MORC1: variants seen among roughly 807,000 people sequenced by gnomAD.
The protein encoded by MORC1 is MORC family CW-type zinc finger 1.
A neutral mutation model predicts 134.9 loss-of-function variants in MORC1; 59 were observed. The ratio of observed to expected loss-of-function variants is 0.44; its 90% CI spans 0.35 to 0.54. The LOEUF (loss-of-function observed/expected upper bound fraction) is 0.54, where lower values mean the gene tolerates loss of function less well. MORC1 is among the 20% of genes least tolerant of loss of function. MORC1 has a pLI of 0.00. For missense variants in MORC1, 947 were observed against 1,134.5 expected (o/e 0.83, Z 2.37); for synonymous variants, 395 against 391.7 (o/e 1.01, Z -0.10).
rs1289411403 is a variant in MORC1, at chr3:109,093,450, A to G, written c.675T>C (p.Ala225=). 1.2e-6 allele frequency: 2 copies of G among 1,612,548 alleles called. No homozygotes were observed. The highest frequency in any genetic ancestry group is 1.7e-6 in the Non-Finnish European group (2 of 1,178,596). ...VKTDKEDILM[A]GALEDFPARW... is the part of the protein sequence containing the mutation. ...CACACACATACTCCTCCAGAGCTCC[A>G]GCCATCAGTATATCTTCTTTGTCAG... is the stretch of plus-strand genomic sequence containing the variant. The change falls in exon 8 of 28, where the codon GCT becomes GCC. Residue 225 remains alanine (A), a synonymous_variant. Transcript: ENST00000232603.
rs1949923428 is a variant in MORC1, at chr3:109,054,980, A to G, written c.1176-98T>C. ...TGAAATCATTTTTTTTTTCAAAAATAAATTCATTCTGTTGATCTGGACCAT... is the reference window on the plus strand; with the variant it reads ...TGAAATCATTTTTTTTTTCAAAAATGAATTCATTCTGTTGATCTGGACCAT... On this transcript the variant is annotated intron_variant, in intron 13 of 27. Transcript: ENST00000232603. 4 of 1,137,056 alleles carry G rather than the reference A, an allele frequency of 3.5e-6. No individual in the cohort carries two copies. In the South Asian group the frequency reaches 6.0e-5, roughly 17 times the overall value. The allele number at this position is 1,137,056 out of a possible 1,614,324, so 70.4% of individuals were successfully genotyped here. A position where few individuals can be genotyped will look rare whatever the true frequency, so the allele number is the denominator to read the frequency against.
At chr3:109,100,387 T>C (rs1246700993) in intron 5 of MORC1, 30 bp downstream of exon 5, 2 of 1,492,182 alleles carry the variant, frequency 1.3e-6, no homozygotes, top group Non-Finnish European at 1.9e-6. Context: ...GTATCAATAA[T>C]ATATGTCTTA....
intron 13 of MORC1, among the ~76,000 whole-genome samples, chr3:109,055,982 T>C (rs1232048830): frequency 6.6e-6 from 1 of 152,182 alleles, no homozygotes; most frequent in Non-Finnish European, 1.5e-5. Flanking sequence ...AATGGCATGT[T>C]AGGGCCAGCA....
chr3:109,027,728 G>A (rs1198093250), intron 17 of MORC1, 23 bp downstream of exon 17: 1 of 1,613,468 alleles, frequency 6.2e-7, no homozygotes, highest in East Asian at 2.2e-5. Context: ...AGTAGAATTA[G>A]GGAGGAATTA....
chr3:108,972,479 G>A (rs1003073724), intron 24 of MORC1, among the ~76,000 whole-genome samples: 3 of 152,018 alleles, frequency 2.0e-5, no homozygotes, highest in Non-Finnish European at 2.9e-5. Flanking sequence ...GATTCAAACC[G>A]AAAAGCTGAA....
chr3:109,117,627 T>C (rs1176982124), intron 1 of MORC1, among the ~76,000 whole-genome samples: 1 of 152,186 alleles, frequency 6.6e-6, no homozygotes, highest in Non-Finnish European at 1.5e-5. Context: ...AATCAATATA[T>C]GCAAATTACT....
chr3:109,102,050 G>C (rs1950937306), intron 4 of MORC1, among the ~76,000 whole-genome samples: 1 of 152,222 alleles, frequency 6.6e-6, no homozygotes, highest in Non-Finnish European at 1.5e-5. Flanking sequence ...AGGAGAAACA[G>C]ATTGAAAGTA....
chr3:108,963,971 A>G (rs974617613), intron 26 of MORC1, among the ~76,000 whole-genome samples: 6 of 152,028 alleles, frequency 3.9e-5, no homozygotes, highest in African/African-American at 1.5e-4. Flanking sequence ...GGTGCCTGTG[A>G]CTCTCTCCAC....
At chr3:109,075,464 T>C (rs1047843369) in intron 8 of MORC1, among the ~76,000 whole-genome samples, 3 of 152,222 alleles carry the variant, frequency 2.0e-5, no homozygotes, top group African/African-American at 7.2e-5. Context: ...TTAATCCATC[T>C]TAATTTTTAT....
At chr3:108,987,911 G>A (rs530505392) in intron 21 of MORC1, among the ~76,000 whole-genome samples, 2 of 151,756 alleles carry the variant, frequency 1.3e-5, no homozygotes, top group Non-Finnish European at 2.9e-5. Context: ...CAAGCAGAAG[G>A]CAAAAGCTCC....
intron 15 of MORC1, among the ~76,000 whole-genome samples, chr3:109,034,288 A>G (rs1216787265): frequency 6.6e-6 from 1 of 152,192 alleles, no homozygotes; most frequent in East Asian, 1.9e-4. Context: ...CTGTATAAAT[A>G]CTTCTACAGA....
intron 1 of MORC1, among the ~76,000 whole-genome samples, chr3:109,117,507 G>T (rs1951298371): frequency 6.6e-6 from 1 of 152,136 alleles, no homozygotes; most frequent in Non-Finnish European, 1.5e-5. Context: ...AGCTCTAAAA[G>T]GCAGACAGGC....
chr3:109,010,762 G>C (rs1948663325), intron 17 of MORC1, among the ~76,000 whole-genome samples: 1 of 152,152 alleles, frequency 6.6e-6, no homozygotes, highest in Non-Finnish European at 1.5e-5. Context: ...AAATCACACA[G>C]TATGTAATCT....
intron 1 of MORC1, 130 bp from the exon 2 acceptor site, chr3:109,114,567 C>T (rs1951231852): frequency 1.4e-6 from 1 of 733,824 alleles, no homozygotes; most frequent in Non-Finnish European, 2.2e-6. Context: ...ACTCTAGAAA[C>T]AACTCTCTCA....
chr3:109,103,223 C>T (rs561097394), intron 4 of MORC1, among the ~76,000 whole-genome samples: 2 of 152,284 alleles, frequency 1.3e-5, no homozygotes, highest in South Asian at 4.1e-4. Flanking sequence ...CCTAAAACAA[C>T]CCAATGCCCT....
chr3:109,000,791 C>T (rs1319946367), intron 20 of MORC1, 133 bp from the exon 21 acceptor site: 2 of 630,314 alleles, frequency 3.2e-6, no homozygotes, highest in Non-Finnish European at 5.4e-6. Flanking sequence ...AATTCAATTT[C>T]CGATCTTTGT....
intron 17 of MORC1, among the ~76,000 whole-genome samples, chr3:109,024,072 C>G (rs2107587866): frequency 6.6e-6 from 1 of 152,264 alleles, no homozygotes; most frequent in East Asian, 1.9e-4. Flanking sequence ...TAAAATGCAC[C>G]ACAGGTGACA....
rs567684086 is a variant in MORC1 at position 109,052,075 on chromosome 3, T to G, written c.1330+2653A>C. On this transcript the variant is annotated intron_variant, in intron 14 of 27. Transcript: ENST00000232603. ...GACAAGAGGAGTATGGGGAGGTTCA[T>G]GATTTTCAAATGCTTAATGTTTTCC... Among the ~76,000 whole-genome samples the G allele has an allele frequency of 5.3e-5, 8 of 152,330 alleles. 1 individual carries two copies. The East Asian group carries it at 1.5e-3, about 29-fold the overall frequency.
intron 14 of MORC1, among the ~76,000 whole-genome samples, chr3:109,036,964 T>G (rs1348858074): frequency 6.6e-6 from 1 of 152,212 alleles, no homozygotes; most frequent in African/African-American, 2.4e-5. Flanking sequence ...ACCCCTGTTC[T>G]GGAAATGCCT....
Sources: allele counts gnomAD v4.1 joint callset (sites outside exome capture counted in the v4.1 genomes callset), GRCh38; gene constraint gnomAD v4.1.1; transcripts MANE v1.5; gene names NCBI Gene and HGNC (gene_info 2026-07-23, HGNC 2026-07-21).